CDHR3: variants seen among roughly 807,000 people sequenced by gnomAD.
CDHR3 encodes cadherin-related family member 3.
In CDHR3, 79 loss-of-function variants were observed where a neutral mutation model predicts 86.6. That is an observed-to-expected ratio of 0.91 (90% CI 0.76 to 1.10). The LOEUF (loss-of-function observed/expected upper bound fraction) is 1.10, where lower values mean the gene tolerates loss of function less well. Among genes scored for constraint, CDHR3 ranks in the 50% least tolerant of loss-of-function variants. The pLI is 0.00. For missense variants in CDHR3, 1,081 were observed against 1,077.6 expected, an observed-to-expected ratio of 1.00 and a Z score of -0.04; for synonymous variants, 421 against 402.4, an observed-to-expected ratio of 1.05 and a Z score of -0.55.
At chr7:105,977,919 A>G (rs182862530) in intron 2 of CDHR3, among the ~76,000 whole-genome samples, 7 of 152,282 alleles carry the variant, frequency 4.6e-5, no homozygotes, top group Non-Finnish European at 1.0e-4. Flanking sequence ...GAGGAGGAGG[A>G]TGCTAACATT....
chr7:105,967,883 A>T (rs952764838), intron 1 of CDHR3, among the ~76,000 whole-genome samples: 6 of 151,986 alleles, frequency 3.9e-5, no homozygotes, highest in Middle Eastern at 3.2e-3. Context: ...AGATTGCAAA[A>T]TTTTTCTCCT....
At chr7:105,969,527 A>G (rs977311875) in intron 1 of CDHR3, among the ~76,000 whole-genome samples, 5 of 152,202 alleles carry the variant, frequency 3.3e-5, no homozygotes, top group African/African-American at 1.2e-4. Context: ...CCTGGTCTCA[A>G]CGAGGACCTT....
chr7:105,973,997 G>T (rs1019672708), intron 1 of CDHR3, among the ~76,000 whole-genome samples: 1 of 152,106 alleles, frequency 6.6e-6, no homozygotes, highest in Non-Finnish European at 1.5e-5. Flanking sequence ...GTTCTGGGTG[G>T]ACATGAATCT....
Position 105,996,283 on chromosome 7 carries a change from A to T in CDHR3, c.642A>T (p.Gly214=). 1 of 1,598,690 alleles carries T rather than the reference A, an allele frequency of 6.3e-7. No individual in the cohort carries two copies. The highest frequency in any genetic ancestry group is 8.6e-7 in the Non-Finnish European group (1 of 1,167,450). Residue 214 remains glycine, a synonymous_variant, in exon 6 of 19, where the codon GGA becomes GGT. Transcript: ENST00000317716. ...TCATCGTGGAGGTGAGGGACAGTGG[A>T]GGCCTCAAAGCCTCCACAGAGCTCC... is the stretch of plus-strand genomic sequence containing the variant. ...FHLIVEVRDS[G]GLKASTELQV... is the part of the protein sequence containing the mutation.
intron 1 of CDHR3, among the ~76,000 whole-genome samples, chr7:105,964,353 C>CTT (rs773687187): frequency 2.6e-5 from 4 of 152,074 alleles, no homozygotes; most frequent in Non-Finnish European, 4.4e-5. Context: ...AACAAATTAT[C>CTT]TTATTATTTG....
At chr7:105,987,052 A>C (rs958871371) in intron 4 of CDHR3, among the ~76,000 whole-genome samples, 5 of 152,206 alleles carry the variant, frequency 3.3e-5, no homozygotes, top group African/African-American at 1.2e-4. Context: ...TTAAATCTCC[A>C]CTTTAAATGT....
intron 7 of CDHR3, among the ~76,000 whole-genome samples, chr7:106,004,224 G>A (rs1047837407): frequency 1.3e-5 from 2 of 152,216 alleles, no homozygotes; most frequent in African/African-American, 4.8e-5. Flanking sequence ...GCTGGAGTCA[G>A]TTATTCACCA....
chr7:106,003,288 T>A (rs970980065), intron 7 of CDHR3, among the ~76,000 whole-genome samples: 2 of 152,210 alleles, frequency 1.3e-5, no homozygotes, highest in African/African-American at 2.4e-5. Flanking sequence ...TGACTAGTGG[T>A]AACTGTATGG....
chr7:106,012,661 C>A (rs1044275700), intron 8 of CDHR3, among the ~76,000 whole-genome samples, 199 bp from the exon 9 acceptor site: 1 of 152,150 alleles, frequency 6.6e-6, no homozygotes, highest in Non-Finnish European at 1.5e-5. Flanking sequence ...TTAGCAGGAT[C>A]CCTCTGGCCG....
At position 106,036,060 on chromosome 7, in the gene CDHR3, G is replaced by T. The variant is rs572688402; in HGVS notation, c.*3363G>T. On this transcript the variant is annotated 3_prime_UTR_variant, in exon 19 of 19. Coordinates refer to ENST00000317716, the MANE Select transcript of CDHR3 (RefSeq NM_152750.5). The stretch of plus-strand genomic sequence containing the variant: ...TTCATTATAAAACTGGGGTAAATAC[G>T]TTCAGGAATTAGACCACGTAACAAT... The T allele has an allele frequency of 6.6e-6, 1 of 152,270 alleles. No homozygotes were observed. Among genetic ancestry groups the T allele is most frequent in the South Asian group, 2.1e-4 (1 of 4,826 alleles). 9.4% of individuals were successfully genotyped at this position (152,270 alleles called of 1,614,324 possible).
chr7:106,003,219 G>T (rs1228013724), intron 7 of CDHR3, among the ~76,000 whole-genome samples: 1 of 146,790 alleles, frequency 6.8e-6, no homozygotes, highest in Non-Finnish European at 1.5e-5. Flanking sequence ...TGTATGTTTT[G>T]TACTTACAGT....
At chr7:105,963,827 G>T (rs1262050378) in intron 1 of CDHR3, among the ~76,000 whole-genome samples, 1 of 152,140 alleles carries the variant, frequency 6.6e-6, no homozygotes, top group Non-Finnish European at 1.5e-5. Context: ...AACACCTTCT[G>T]ATAGAAGGGT....
intron 1 of CDHR3, among the ~76,000 whole-genome samples, chr7:105,969,441 G>T (rs1827578801): frequency 6.6e-6 from 1 of 151,952 alleles, no homozygotes; most frequent in African/African-American, 2.4e-5. Flanking sequence ...GTAACCGTGG[G>T]TCCTAGGAGT....
Position 105,996,259 on chromosome 7 carries a change from C to G in CDHR3, c.618C>G (p.Leu206=), listed in dbSNP as rs1213336252. 2 of 1,576,978 alleles carry G rather than the reference C, an allele frequency of 1.3e-6. No individual in the cohort carries two copies. The highest frequency in any genetic ancestry group is 1.7e-6 in the Non-Finnish European group (2 of 1,148,546). ...AATGTTTCCCTGGCAGTTTCCATCT[C>G]ATCGTGGAGGTGAGGGACAGTGGAG... is the stretch of plus-strand genomic sequence containing the variant. The part of the protein sequence containing the change: ...DFEAGHRSFH[L]IVEVRDSGGL... The change falls in exon 6 of 19, where the codon CTC becomes CTG. Residue 206 remains leucine, a synonymous_variant. Transcript: ENST00000317716.
At chr7:105,978,884 G>A (rs6947411) in intron 2 of CDHR3, among the ~76,000 whole-genome samples, 21 of 152,076 alleles carry the variant, frequency 1.4e-4, no homozygotes, top group Non-Finnish European at 5.9e-5. Flanking sequence ...CTGAGGTCAA[G>A]GATCTATCCA....
intron 8 of CDHR3, among the ~76,000 whole-genome samples, chr7:106,011,557 A>G (rs1209846614): frequency 6.6e-6 from 1 of 152,190 alleles, no homozygotes; most frequent in African/African-American, 2.4e-5. Context: ...AAGCCAAACT[A>G]AAACCGAAAG....
chr7:105,965,564 C>CCCG (rs1826758693), intron 1 of CDHR3, among the ~76,000 whole-genome samples: 1 of 56,198 alleles, frequency 1.8e-5, no homozygotes, highest in African/African-American at 4.1e-5. Flanking sequence ...CAACTCAAGC[C>CCCG]CCACCCCCCC....
In CDHR3 at chr7:106,032,418, C is replaced by CTCTGGAAT. The variant is rs1351733439; in HGVS notation, c.2381_2382insTGGAATTC (p.Lys795GlyfsTer14). The CTCTGGAAT allele has an allele frequency of 6.2e-7, 1 of 1,610,704 alleles. No homozygotes were observed. Among genetic ancestry groups the CTCTGGAAT allele is most frequent in the Non-Finnish European group, 8.5e-7 (1 of 1,177,638 alleles). On this transcript the variant is annotated frameshift_variant, in exon 19 of 19. Transcript: ENST00000317716. LOFTEE classifies it high-confidence loss of function. Reference sequence around the variant, plus strand: ...TGACCGGGGAAACATATGAATTCAACTCAAAAACTGGAGCCAGAAAGTGGA... The same window carrying CTCTGGAAT: ...TGACCGGGGAAACATATGAATTCAACTCTGGAATTCAAAAACTGGAGCCAGAAAGTGGA...
intron 8 of CDHR3, among the ~76,000 whole-genome samples, chr7:106,012,219 A>G (rs1022940770): frequency 6.6e-6 from 1 of 152,208 alleles, no homozygotes; most frequent in Non-Finnish European, 1.5e-5. Context: ...TAAGCAGAAT[A>G]AATAAGAGAA....
Sources: allele counts gnomAD v4.1 joint callset (sites outside exome capture counted in the v4.1 genomes callset), GRCh38; gene constraint gnomAD v4.1.1; transcripts MANE v1.5; gene names NCBI Gene and HGNC (gene_info 2026-07-23, HGNC 2026-07-21).